Variants in SLC37A1 observed in about 807,000 individuals in gnomAD.
The protein encoded by SLC37A1 is solute carrier family 37 member 1.
In SLC37A1, 49 loss-of-function variants were observed where a neutral mutation model predicts 75.3. That is an observed-to-expected ratio of 0.65 (90% CI 0.52 to 0.83). SLC37A1 has a LOEUF of 0.83. SLC37A1 is among the 40% of genes least tolerant of loss of function. The pLI is 0.00. For synonymous variants in SLC37A1, 268 were observed against 292.1 expected (o/e 0.92, Z 0.84); for missense variants, 566 against 695.0 (o/e 0.81, Z 2.09).
chr21:42,554,247 A>G, intron 10 of SLC37A1, 105 bp downstream of exon 10: 3 of 950,462 alleles, frequency 3.2e-6, no homozygotes, highest in Non-Finnish European at 4.7e-6. Flanking sequence ...ATGTGTCACA[A>G]ACATCCAGGT....
intron 19 of SLC37A1, 75 bp downstream of exon 19, chr21:42,579,875 C>A: frequency 7.3e-7 from 1 of 1,364,130 alleles, no homozygotes; most frequent in Non-Finnish European, 1.0e-6. Context: ...CTGCCTTCTG[C>A]ACCTGGCTTT....
chr21:42,500,620 C>T (rs376587390), intron 1 of SLC37A1, among the ~76,000 whole-genome samples: 1 of 152,134 alleles, frequency 6.6e-6, no homozygotes, highest in Non-Finnish European at 1.5e-5. Flanking sequence ...TTATCTTAAT[C>T]GTTTTCAGTC....
At chr21:42,579,922 G>A (rs377611698) in intron 19 of SLC37A1, 122 bp downstream of exon 19, 60 of 864,516 alleles carry the variant, frequency 6.9e-5, no homozygotes, top group East Asian at 4.8e-4. Context: ...ATCTTTTCAC[G>A]GCACGCCACC....
At chr21:42,566,062 G>C (rs933756189) in intron 15 of SLC37A1, among the ~76,000 whole-genome samples, 187 bp downstream of exon 15, 6 of 152,240 alleles carry the variant, frequency 3.9e-5, no homozygotes, top group Non-Finnish European at 1.5e-5. Context: ...CCTCTCCCCA[G>C]TGCGAGGCTT....
intron 13 of SLC37A1, among the ~76,000 whole-genome samples, chr21:42,564,475 G>A (rs140248148): frequency 3.5e-4 from 53 of 152,278 alleles, no homozygotes; most frequent in African/African-American, 1.2e-3. Flanking sequence ...AAGGGGCTTC[G>A]AGGCTGGCCT....
At chr21:42,534,127 T>C (rs2055069265) in intron 3 of SLC37A1, among the ~76,000 whole-genome samples, 1 of 152,144 alleles carries the variant, frequency 6.6e-6, no homozygotes, top group South Asian at 2.1e-4. Context: ...CCCCTTTAGG[T>C]AACCGTGACT....
intron 18 of SLC37A1, among the ~76,000 whole-genome samples, chr21:42,578,574 C>G (rs1251381576): frequency 6.6e-6 from 1 of 152,180 alleles, no homozygotes. Context: ...GCTAGAGGTT[C>G]AGATTCACAC....
chr21:42,577,990 A>G (rs1293420692), intron 18 of SLC37A1, among the ~76,000 whole-genome samples: 1 of 152,258 alleles, frequency 6.6e-6, no homozygotes, highest in African/African-American at 2.4e-5. Flanking sequence ...GATGTGCAGC[A>G]GGTCCGTGAG....
chr21:42,534,130 C>A (rs1355430519), intron 3 of SLC37A1, among the ~76,000 whole-genome samples: 2 of 152,172 alleles, frequency 1.3e-5, no homozygotes, highest in African/African-American at 4.8e-5. Context: ...CTTTAGGTAA[C>A]CGTGACTCTC....
chr21:42,543,121 T>C (rs915020022), intron 7 of SLC37A1, among the ~76,000 whole-genome samples: 3 of 152,242 alleles, frequency 2.0e-5, no homozygotes, highest in African/African-American at 7.2e-5. Context: ...ACTGTATGTA[T>C]TAATTGATTG....
chr21:42,559,378 G>A (rs940196731), intron 11 of SLC37A1, among the ~76,000 whole-genome samples: 4 of 152,204 alleles, frequency 2.6e-5, no homozygotes, highest in African/African-American at 9.7e-5. Flanking sequence ...CTGGAAAAAC[G>A]GAAAGCCTGG....
At chr21:42,550,746 T>C (rs1245913204) in intron 9 of SLC37A1, among the ~76,000 whole-genome samples, 4 of 152,234 alleles carry the variant, frequency 2.6e-5, no homozygotes, top group Middle Eastern at 3.2e-3. Context: ...CAAGTGGGAT[T>C]TATCCCAGGA....
rs1428522437 is a variant in SLC37A1 at position 42,535,556 on chromosome 21, T to A, written c.350+6T>A. 1 of 1,613,546 alleles carries A rather than the reference T, an allele frequency of 6.2e-7. No individual in the cohort carries two copies. Among genetic ancestry groups the A allele is most frequent in the Non-Finnish European group, 8.5e-7 (1 of 1,179,472 alleles). The stretch of plus-strand genomic sequence containing the variant: ...GCCGTGGGGATGTACCTCAGGTAGG[T>A]CTCCTTCAGTTTTCCAGACCCTTCC... On this transcript the variant is annotated splice_donor_region_variant and intron_variant, in intron 5 of 19. Coordinates refer to ENST00000352133, the MANE Select transcript of SLC37A1 (RefSeq NM_001320537.2).
chr21:42,535,387 CA>C, intron 4 of SLC37A1, 84 bp from the exon 5 acceptor site: 2 of 1,194,684 alleles, frequency 1.7e-6, no homozygotes, highest in Admixed American at 1.8e-5. Flanking sequence ...ATTTCGGGAA[CA>C]GATGCTTTGT....
At chr21:42,520,245 C>G (rs2054614809) in intron 2 of SLC37A1, among the ~76,000 whole-genome samples, 1 of 152,182 alleles carries the variant, frequency 6.6e-6, no homozygotes, top group African/African-American at 2.4e-5. Flanking sequence ...TGTTCAGGAT[C>G]TAGTTCGGGT....
intron 10 of SLC37A1, among the ~76,000 whole-genome samples, chr21:42,557,648 C>A (rs1434974100): frequency 6.6e-6 from 1 of 152,268 alleles, no homozygotes; most frequent in Non-Finnish European, 1.5e-5. Context: ...CCCAAGGCCA[C>A]CCACTGGGTG....
chr21:42,513,490 T>A (rs2054461258), upstream of SLC37A1, among the ~76,000 whole-genome samples: 1 of 150,410 alleles, frequency 6.6e-6, no homozygotes, highest in South Asian at 2.1e-4. Flanking sequence ...CGCGGCGGCA[T>A]GTGACCCTCG....
chr21:42,519,191 A>AT (rs1487237844), intron 2 of SLC37A1, among the ~76,000 whole-genome samples: 1 of 152,142 alleles, frequency 6.6e-6, no homozygotes, highest in Non-Finnish European at 1.5e-5. Context: ...GAAAAGACAG[A>AT]TTTCACCACT....
chr21:42,556,824 TC>T (rs1218973488), intron 10 of SLC37A1, among the ~76,000 whole-genome samples: 1 of 152,186 alleles, frequency 6.6e-6, no homozygotes, highest in Non-Finnish European at 1.5e-5. Context: ...CCACACTCTT[TC>T]CCATCTCCTC....
Sources: gnomAD v4.1 joint callset for allele counts (sites outside exome capture counted in the v4.1 genomes callset) on GRCh38, gnomAD v4.1.1 for gene constraint, MANE v1.5 for transcripts, NCBI Gene and HGNC (gene_info 2026-07-23, HGNC 2026-07-21) for gene names.